Variants in CDH12 observed in about 807,000 individuals in gnomAD.
CDH12 encodes the protein cadherin-12.
Under a neutral mutation model 74.1 loss-of-function variants are expected in CDH12, and 41 were observed. The ratio of observed to expected loss-of-function variants is 0.55; its 90% CI spans 0.43 to 0.72. The LOEUF is 0.72. Among genes scored for constraint, CDH12 ranks in the 30% least tolerant of loss-of-function variants. CDH12 has a pLI of 0.00. For missense variants in CDH12, 945 were observed against 977.2 expected (o/e 0.97, Z 0.44); for synonymous variants, 399 against 355.0 (o/e 1.12, Z -1.39).
rs545895260 is a variant in CDH12 at position 21,815,562 on chromosome 5, C to T, written c.1002+1383G>A. ...CTAATATTTCAACTAACTTTGCCCT[C>T]AGCAATCCTCTTTGGCTCTAATCCA... On this transcript the variant is annotated intron_variant, in intron 9 of 14. Coordinates refer to ENST00000382254, the MANE Select transcript of CDH12 (RefSeq NM_004061.5). Among the ~76,000 whole-genome samples the T allele has an allele frequency of 5.3e-5, 8 of 152,314 alleles. No homozygotes were observed. In the South Asian group the frequency reaches 1.7e-3, roughly 32 times the overall value.
At chr5:22,626,577 C>T (rs980403791) in intron 1 of CDH12, among the ~76,000 whole-genome samples, 2 of 151,982 alleles carry the variant, frequency 1.3e-5, no homozygotes, top group African/African-American at 4.8e-5. Flanking sequence ...AAAGAAGATA[C>T]CAGCAAGAAA....
chr5:22,454,595 T>A (rs1745191284), intron 2 of CDH12, among the ~76,000 whole-genome samples: 1 of 152,106 alleles, frequency 6.6e-6, no homozygotes, highest in African/African-American at 2.4e-5. Flanking sequence ...TGCCTCAGCC[T>A]CCTGAGCAGC....
Position 22,378,159 on chromosome 5 carries a change from G to T in CDH12, c.-333+27098C>A, listed in dbSNP as rs1426879494. Among the ~76,000 whole-genome samples the T allele has an allele frequency of 1.1e-4, 17 of 152,188 alleles. No homozygotes were observed. The East Asian group carries it at 3.3e-3, about 29-fold the overall frequency. On this transcript the variant is annotated intron_variant, in intron 3 of 14. Coordinates refer to ENST00000382254, the MANE Select transcript of CDH12 (RefSeq NM_004061.5). ...CAGAATGGACTTATAATAGGTACAGGTAAATCCACTGTGTACAAATACAGA... is the reference window on the plus strand; with the variant it reads ...CAGAATGGACTTATAATAGGTACAGTTAAATCCACTGTGTACAAATACAGA...
intron 8 of CDH12, among the ~76,000 whole-genome samples, chr5:21,829,717 C>T (rs373907686): frequency 1.8e-4 from 28 of 152,212 alleles, no homozygotes; most frequent in African/African-American, 7.2e-5. Flanking sequence ...TAAAGATTGC[C>T]GCTGCTGTCA....
chr5:21,796,615 T>C (rs1337302659), intron 10 of CDH12, among the ~76,000 whole-genome samples: 1 of 152,054 alleles, frequency 6.6e-6, no homozygotes, highest in Admixed American at 6.6e-5. Flanking sequence ...ATTTAATTCT[T>C]TTGACATGGA....
In CDH12 at chr5:22,014,873, AATAATT is replaced by A. The variant is rs576086702; in HGVS notation, c.232-39494_232-39489del. Among the ~76,000 whole-genome samples the A allele has an allele frequency of 3.5e-3, 526 of 152,254 alleles. 1 individual carries two copies. Among genetic ancestry groups the A allele is most frequent in the African/African-American group, 0.012 (511 of 41,568 alleles). On this transcript the variant is annotated intron_variant, in intron 5 of 14. Transcript: ENST00000382254. ...AGCCTTGAATTTCAGCCGAAAAAAT[AATAATT>A]ATAAGAGGTATAGACTTTAAAATAT...
At position 22,640,440 on chromosome 5, in the gene CDH12, C is replaced by T. The variant is rs187928152; in HGVS notation, c.-522-135076G>A. ...TCTTAACACAATCCTACTCTGTTTACGTTATCTTGTTTTTCTAATTCTCCT... is the reference window on the plus strand; with the variant it reads ...TCTTAACACAATCCTACTCTGTTTATGTTATCTTGTTTTTCTAATTCTCCT... On this transcript the variant is annotated intron_variant, in intron 1 of 14. Transcript: ENST00000382254. Among the ~76,000 whole-genome samples the T allele has an allele frequency of 1.6e-3, 246 of 152,232 alleles. 4 individuals are homozygous for T. Among genetic ancestry groups the T allele is most frequent in the South Asian group, 0.013 (62 of 4,826 alleles).
intron 2 of CDH12, among the ~76,000 whole-genome samples, chr5:22,422,086 T>C (rs758053328): frequency 2.6e-5 from 4 of 152,216 alleles, no homozygotes; most frequent in African/African-American, 4.8e-5. Flanking sequence ...TCTTGCCTGA[T>C]GGCCATGGCC....
At chr5:22,615,217 A>T (rs1395799442) in intron 1 of CDH12, among the ~76,000 whole-genome samples, 4 of 151,984 alleles carry the variant, frequency 2.6e-5, no homozygotes, top group Non-Finnish European at 5.9e-5. Context: ...AGGGCTTCTT[A>T]TTGCTTTTCT....
chr5:22,093,616 G>T (rs962062962), intron 4 of CDH12, among the ~76,000 whole-genome samples: 4 of 152,070 alleles, frequency 2.6e-5, no homozygotes, highest in African/African-American at 9.7e-5. Context: ...CTGTATTTTG[G>T]GTATGACCTG....
At chr5:22,561,065 T>C (rs1739026863) in intron 1 of CDH12, among the ~76,000 whole-genome samples, 1 of 152,204 alleles carries the variant, frequency 6.6e-6, no homozygotes, top group Non-Finnish European at 1.5e-5. Flanking sequence ...GATTAAAGCA[T>C]ATTTACTTTC....
At chr5:22,047,695 C>T (rs1403318915) in intron 5 of CDH12, among the ~76,000 whole-genome samples, 1 of 152,146 alleles carries the variant, frequency 6.6e-6, no homozygotes, top group Non-Finnish European at 1.5e-5. Flanking sequence ...ACTTCAAAAC[C>T]TAAATCTCTA....
intron 1 of CDH12, among the ~76,000 whole-genome samples, chr5:22,659,351 T>C (rs2126895453): frequency 6.6e-6 from 1 of 152,100 alleles, no homozygotes; most frequent in African/African-American, 2.4e-5. Flanking sequence ...ATAATACCTG[T>C]CTCAGTGTTG....
chr5:22,701,716 A>G (rs773680719), intron 1 of CDH12, among the ~76,000 whole-genome samples: 3 of 152,044 alleles, frequency 2.0e-5, no homozygotes, highest in Non-Finnish European at 4.4e-5. Flanking sequence ...TATCATTTCA[A>G]TCTCAGTTCA....
At chr5:22,816,907 T>C (rs1051289764) in intron 1 of CDH12, among the ~76,000 whole-genome samples, 1 of 152,160 alleles carries the variant, frequency 6.6e-6, no homozygotes, top group Non-Finnish European at 1.5e-5. Context: ...GAAGTAGATA[T>C]GATTAGTGAT....
intron 6 of CDH12, chr5:21,883,219 A>G: frequency 7.3e-7 from 1 of 1,372,824 alleles, no homozygotes; most frequent in South Asian, 1.2e-5. Context: ...CTGAATGATG[A>G]ATTAGAAATT....
intron 2 of CDH12, among the ~76,000 whole-genome samples, chr5:22,407,031 A>G (rs1742967315): frequency 6.6e-6 from 1 of 152,112 alleles, no homozygotes; most frequent in Non-Finnish European, 1.5e-5. Context: ...GTAATGAGAA[A>G]TTGAATACTT....
chr5:22,794,306 G>T (rs958946099), intron 1 of CDH12, among the ~76,000 whole-genome samples: 4 of 152,170 alleles, frequency 2.6e-5, no homozygotes, highest in Non-Finnish European at 4.4e-5. Context: ...AGCAGTGAAG[G>T]AATATTTGAG....
rs1752823141 is a variant in CDH12 at position 22,243,662 on chromosome 5, A to T, written c.-332-31019T>A. Among the ~76,000 whole-genome samples the T allele has an allele frequency of 3.9e-5, 6 of 152,332 alleles. No individual in the cohort carries two copies. The South Asian group carries it at 1.2e-3, about 32-fold the overall frequency. ...CTATTAATCTCACATTTAACATCAGATGATATTTTTGACAAATGGTAAAGT... is the reference window on the plus strand; with the variant it reads ...CTATTAATCTCACATTTAACATCAGTTGATATTTTTGACAAATGGTAAAGT... On this transcript the variant is annotated intron_variant, in intron 3 of 14. Coordinates refer to ENST00000382254, the MANE Select transcript of CDH12 (RefSeq NM_004061.5).
Sources: gnomAD v4.1 joint callset for allele counts (sites outside exome capture counted in the v4.1 genomes callset) on GRCh38, gnomAD v4.1.1 for gene constraint, MANE v1.5 for transcripts, NCBI Gene and HGNC (gene_info 2026-07-23, HGNC 2026-07-21) for gene names.